PHF10: variants seen among roughly 807,000 people sequenced by gnomAD.
PHF10 encodes the protein PHD finger protein 10, also known as BRG1-associated factor 45a.
Under a neutral mutation model 68.5 loss-of-function variants are expected in PHF10, and 51 were observed. That is an observed-to-expected ratio of 0.74 (90% CI 0.59 to 0.94). The LOEUF (loss-of-function observed/expected upper bound fraction) is 0.94. PHF10 is among the 40% of genes least tolerant of loss of function. PHF10 has a pLI of 0.00. For synonymous variants in PHF10, 204 were observed against 203.5 expected (o/e 1.00, Z -0.02); for missense variants, 460 against 602.6 (o/e 0.76, Z 2.48).
rs142980828 is a variant in PHF10 at position 169,704,329 on chromosome 6, A to G, written c.1412-241T>C. The G allele has an allele frequency of 3.3e-3, 1,472 of 441,176 alleles. 2 individuals carry two copies. The highest frequency in any genetic ancestry group is 4.7e-3 in the Non-Finnish European group (1,143 of 244,930). The allele number at this position is 441,176 out of a possible 1,614,324, so 27.3% of individuals were successfully genotyped here. ...GGGAGAGATGCAATGCCATACGGTG[A>G]TACGGACCTTTAAGAAAGTACAATC... On this transcript the variant is annotated intron_variant, in intron 11 of 11. Transcript: ENST00000339209.
Position 169,705,641 on chromosome 6 carries a change from T to G in PHF10, c.1197A>C (p.Ile399=). The change falls in exon 10 of 12, where the codon ATA becomes ATC. Residue 399 remains isoleucine, a synonymous_variant. Coordinates refer to ENST00000339209, the MANE Select transcript of PHF10 (RefSeq NM_018288.4). ...SNKKGKAESL[I]HCSQCENSGH... is the part of the protein sequence containing the mutation. ...CACTATTCTCACATTGGGAGCAGTG[T>G]ATAAGTGATTCAGCCTTTCCTTTCT... 1 of 1,523,630 alleles carries G rather than the reference T, an allele frequency of 6.6e-7. No individual in the cohort carries two copies. Among genetic ancestry groups the G allele is most frequent in the Non-Finnish European group, 9.1e-7 (1 of 1,097,892 alleles). The allele number at this position is 1,523,630 out of a possible 1,614,324, so 94.4% of individuals were successfully genotyped here.
chr6:169,721,470 G>A (rs1194285665), intron 1 of PHF10, among the ~76,000 whole-genome samples: 1 of 152,188 alleles, frequency 6.6e-6, no homozygotes, highest in Non-Finnish European at 1.5e-5. Context: ...TCAACTTGAA[G>A]CCGGTTCATA....
intron 8 of PHF10, 135 bp from the exon 9 acceptor site, chr6:169,710,526 T>C: frequency 1.4e-6 from 1 of 699,054 alleles, no homozygotes; most frequent in Non-Finnish European, 2.4e-6. Flanking sequence ...TCATTCTAAA[T>C]GTAAGAAAGC....
intron 9 of PHF10, chr6:169,708,189 CACTT>C (rs1788849234): frequency 6.6e-6 from 1 of 152,296 alleles, no homozygotes; most frequent in African/African-American, 2.4e-5. Flanking sequence ...GCTCACAGTA[CACTT>C]ACTTTTCTAC....
chr6:169,708,485 T>C (rs182279205), intron 9 of PHF10: 14 of 152,284 alleles, frequency 9.2e-5, no homozygotes, highest in Non-Finnish European at 7.4e-5. Flanking sequence ...ATTAATACTT[T>C]TTATAAAGAG....
rs746824889 is a variant in PHF10, at chr6:169,714,818, A to C, written c.718T>G (p.Tyr240Asp). Residue 240 changes from tyrosine to aspartate, a missense_variant, in exon 7 of 12, where the codon TAC (tyrosine) becomes GAC (aspartate). Coordinates refer to ENST00000339209, the MANE Select transcript of PHF10 (RefSeq NM_018288.4). ...GTTCGCTCTGTTGGCAAAACTTTGT[A>C]CTTCCCTTGAGGTACCTGGATAACC... is the stretch of plus-strand genomic sequence containing the variant. ...THVIQVPQGK[Y>D]KVLPTERTKV... The C allele has an allele frequency of 6.9e-6, 11 of 1,591,466 alleles. No individual in the cohort carries two copies. In the African/African-American group the frequency reaches 1.1e-4, roughly 16 times the overall value.
chr6:169,720,745 T>A (rs969864257), intron 2 of PHF10, among the ~76,000 whole-genome samples: 4 of 152,238 alleles, frequency 2.6e-5, no homozygotes, highest in African/African-American at 9.6e-5. Flanking sequence ...ACACTGTGAA[T>A]GTAACTGATG....
In PHF10 at chr6:169,715,788, T is replaced by C. The variant is rs1011913804; in HGVS notation, c.613A>G (p.Lys205Glu). The C allele has an allele frequency of 1.9e-6, 3 of 1,613,806 alleles. No individual in the cohort carries two copies. The highest frequency in any genetic ancestry group is 2.5e-6 in the Non-Finnish European group (3 of 1,179,884). Residue 205 changes from lysine (K) to glutamate (E), a missense_variant, in exon 6 of 12, where the codon AAA becomes GAA. This residue lies in a region of PHF10 where 256 missense variants were observed against 410.5 expected (regional missense o/e 0.62). Coordinates refer to ENST00000339209, the MANE Select transcript of PHF10 (RefSeq NM_018288.4). The part of the protein sequence containing the change: ...KVPEYIKKAA[K>E]KAAEFNSNLN... ...TTGCTATTAAATTCTGCTGCTTTTT[T>C]GGCAGCTTTCTTAATATACTCAGGC...
chr6:169,707,727 G>T (rs1014227651), intron 9 of PHF10: 1 of 152,074 alleles, frequency 6.6e-6, no homozygotes, highest in Non-Finnish European at 1.5e-5. Flanking sequence ...TGATAAAAGG[G>T]ACACCAAAAA....
intron 6 of PHF10, 82 bp downstream of exon 6, chr6:169,715,626 T>C (rs940692247): frequency 5.3e-5 from 63 of 1,179,468 alleles, no homozygotes; most frequent in Non-Finnish European, 7.3e-5. Flanking sequence ...GTACAAAAAA[T>C]AACGATAAAG....
chr6:169,723,947 GCGCCGCCGCCGCCGCCGT>G lies in PHF10; in HGVS notation c.-34_-17del. 1.1e-6 allele frequency: 1 copy of G among 883,348 alleles called. No individual in the cohort carries two copies. The highest frequency in any genetic ancestry group is 1.4e-6 in the Non-Finnish European group (1 of 737,324). 54.7% of individuals were successfully genotyped at this position (883,348 alleles called of 1,614,324 possible). ...CCGCCGCCATCAGCCCGAGCGCCCC[GCGCCGCCGCCGCCGCCGT>G]CGCCTCCGCCTTGTCCCGGCCGCCG... On this transcript the variant is annotated 5_prime_UTR_variant, in exon 1 of 12. Transcript: ENST00000339209.
At position 169,710,532 on chromosome 6, in the gene PHF10, A is replaced by C. The variant is rs1788904736; in HGVS notation, c.958-141T>G. ...ATAAAAAGATCATTCTAAATGTAAG[A>C]AAGCTTTTTCCAGTGGAGACTAAAG... On this transcript the variant is annotated intron_variant, in intron 8 of 11. Transcript: ENST00000339209. 15 of 685,254 alleles carry C rather than the reference A, an allele frequency of 2.2e-5. No homozygotes were observed. In the South Asian group the frequency reaches 2.5e-4, roughly 11 times the overall value. 42.4% of individuals were successfully genotyped at this position (685,254 alleles called of 1,614,324 possible).
chr6:169,720,918 T>G, intron 2 of PHF10, 87 bp downstream of exon 2: 1 of 682,482 alleles, frequency 1.5e-6, no homozygotes, highest in Non-Finnish European at 2.5e-6. Flanking sequence ...AATAATTGCC[T>G]TTGCCAGAGC....
chr6:169,714,598 G>A (rs1185427468), intron 7 of PHF10, 135 bp downstream of exon 7: 3 of 656,572 alleles, frequency 4.6e-6, no homozygotes, highest in African/African-American at 1.8e-5. Flanking sequence ...AACCAGAGAA[G>A]AATAGCAACA....
At chr6:169,706,956 T>G (rs1788814893) in intron 9 of PHF10, 1 of 152,224 alleles carries the variant, frequency 6.6e-6, no homozygotes, top group South Asian at 2.1e-4. Flanking sequence ...CATAACCTGT[T>G]AGACCTAAAC....
chr6:169,715,679 CA>C (rs1445537744), intron 6 of PHF10, 28 bp downstream of exon 6: 10 of 1,595,926 alleles, frequency 6.3e-6, no homozygotes, highest in African/African-American at 5.4e-5. Context: ...AAACTAAGTT[CA>C]GGGGGTACTA....
intron 3 of PHF10, 67 bp downstream of exon 3, chr6:169,718,721 A>AG: frequency 1.1e-6 from 1 of 924,122 alleles, no homozygotes; most frequent in African/African-American, 1.7e-5. Context: ...AGAAAAATTC[A>AG]GAAGTTGACA....
At chr6:169,719,553 A>C (rs1226966064) in intron 2 of PHF10, among the ~76,000 whole-genome samples, 1 of 152,208 alleles carries the variant, frequency 6.6e-6, no homozygotes, top group Non-Finnish European at 1.5e-5. Flanking sequence ...GGAAAGTGAC[A>C]CTATGTTATG....
chr6:169,709,979 G>T, intron 9 of PHF10: 1 of 258,778 alleles, frequency 3.9e-6, no homozygotes. Context: ...TACTTGCCTG[G>T]TTATTCTTTC....
Sources: allele counts gnomAD v4.1 joint callset (sites outside exome capture counted in the v4.1 genomes callset), GRCh38; gene constraint gnomAD v4.1.1; regional missense constraint gnomAD v4.1.1; transcripts MANE v1.5; gene names NCBI Gene and HGNC (gene_info 2026-07-23, HGNC 2026-07-21).